SLIT3: variants seen among roughly 807,000 people sequenced by gnomAD.
SLIT3 encodes the protein slit guidance ligand 3, also known as slit homolog 3 protein.
SLIT3 carries 68 observed loss-of-function variants against 184.0 expected under a neutral mutation model. The observed-to-expected ratio is 0.37, with a 90% CI of 0.30 to 0.45. The LOEUF is 0.45. SLIT3 is among the 20% of genes least tolerant of loss of function. The pLI is 1.00. For synonymous variants in SLIT3, 831 were observed against 828.6 expected (o/e 1.00, Z -0.05); for missense variants, 1,707 against 2,026.0 (o/e 0.84, Z 3.02).
At chr5:169,002,540 G>C (rs967307557) in intron 4 of SLIT3, among the ~76,000 whole-genome samples, 2 of 151,988 alleles carry the variant, frequency 1.3e-5, no homozygotes, top group African/African-American at 2.4e-5. Flanking sequence ...GAATGTGATG[G>C]CCACAGGGAG....
chr5:168,814,642 G>A (rs79500504), intron 8 of SLIT3, among the ~76,000 whole-genome samples: 269 of 152,302 alleles, frequency 1.8e-3, no homozygotes, highest in African/African-American at 6.2e-3. Context: ...CCTCCACATT[G>A]CTTCCTCTCA....
At chr5:168,760,186 C>T (rs915738231) in intron 16 of SLIT3, among the ~76,000 whole-genome samples, 29 of 152,162 alleles carry the variant, frequency 1.9e-4, no homozygotes, top group Admixed American at 1.5e-3. Flanking sequence ...ATGGGTGTGA[C>T]GCAGGGAGCA....
intron 4 of SLIT3, among the ~76,000 whole-genome samples, chr5:168,914,548 C>T (rs963571257): frequency 1.3e-4 from 20 of 152,222 alleles, no homozygotes; most frequent in Non-Finnish European, 2.6e-4. Flanking sequence ...GAGGATGAGA[C>T]CACTGGTCCT....
chr5:168,742,564 A>G (rs1449186190), intron 20 of SLIT3, among the ~76,000 whole-genome samples: 1 of 117,812 alleles, frequency 8.5e-6, no homozygotes, highest in Non-Finnish European at 1.7e-5. Flanking sequence ...CTATGTGGGT[A>G]ACTCCCAGGG....
chr5:168,774,853 C>A (rs1755688851), intron 12 of SLIT3, among the ~76,000 whole-genome samples: 1 of 152,144 alleles, frequency 6.6e-6, no homozygotes, highest in South Asian at 2.1e-4. Flanking sequence ...TATATGTCAT[C>A]CTCCTGGAAA....
intron 5 of SLIT3, among the ~76,000 whole-genome samples, chr5:168,858,153 G>C (rs1302896557): frequency 6.6e-6 from 1 of 152,166 alleles, no homozygotes. Flanking sequence ...ACATCTACTG[G>C]AAAAATGAGA....
chr5:168,842,872 C>G (rs918932299), intron 6 of SLIT3, among the ~76,000 whole-genome samples: 5 of 152,184 alleles, frequency 3.3e-5, no homozygotes, highest in African/African-American at 9.7e-5. Context: ...TTCTCATTCT[C>G]TCTGTCAAGG....
chr5:168,855,159 CA>C (rs1356610481), intron 5 of SLIT3, among the ~76,000 whole-genome samples: 1 of 152,154 alleles, frequency 6.6e-6, no homozygotes, highest in Admixed American at 6.5e-5. Flanking sequence ...GCCCTAGGAT[CA>C]CATGAGATTC....
intron 6 of SLIT3, among the ~76,000 whole-genome samples, chr5:168,825,792 G>A (rs989829074): frequency 6.6e-6 from 1 of 152,204 alleles, no homozygotes; most frequent in African/African-American, 2.4e-5. Flanking sequence ...ACTCTGCCTT[G>A]GCAGGGAGCT....
At chr5:169,026,805 A>C (rs62379480) in intron 4 of SLIT3, among the ~76,000 whole-genome samples, 2 of 150,364 alleles carry the variant, frequency 1.3e-5, no homozygotes, top group African/African-American at 5.0e-5. Context: ...GAAAAAAAAA[A>C]CCCACCCCAA....
intron 4 of SLIT3, among the ~76,000 whole-genome samples, chr5:168,946,522 C>T (rs1226802594): frequency 6.6e-6 from 1 of 152,206 alleles, no homozygotes; most frequent in Non-Finnish European, 1.5e-5. Flanking sequence ...CCATAGTGTT[C>T]CCCAGCCTTG....
chr5:169,195,785 C>CAA (rs1365787739), intron 3 of SLIT3, among the ~76,000 whole-genome samples: 1 of 152,154 alleles, frequency 6.6e-6, no homozygotes, highest in Non-Finnish European at 1.5e-5. Context: ...CTCAGCCTCC[C>CAA]AAAGTGCTGG....
chr5:169,126,253 A>G lies in SLIT3; in HGVS notation c.413+67226T>C, dbSNP rs147819813. Among the ~76,000 whole-genome samples, 112 of 152,302 alleles carry G rather than the reference A, an allele frequency of 7.4e-4. 1 individual carries two copies. The East Asian group carries it at 0.019, about 25-fold the overall frequency. Reference sequence around the variant, plus strand: ...ATCCTATTTATGTTCTGAAGTGACAAGTGCTCTGGAAAAATTTAAAAAGCA... The same window carrying G: ...ATCCTATTTATGTTCTGAAGTGACAGGTGCTCTGGAAAAATTTAAAAAGCA... On this transcript the variant is annotated intron_variant, in intron 4 of 35. Coordinates refer to ENST00000519560, the MANE Select transcript of SLIT3 (RefSeq NM_003062.4).
chr5:168,846,249 AC>A (rs1341421096), intron 5 of SLIT3, among the ~76,000 whole-genome samples: 3 of 152,216 alleles, frequency 2.0e-5, no homozygotes, highest in African/African-American at 7.2e-5. Flanking sequence ...TAAACAGTCC[AC>A]AGGCATCTCG....
intron 6 of SLIT3, among the ~76,000 whole-genome samples, chr5:168,823,748 T>C (rs1030229648): frequency 1.3e-5 from 2 of 152,176 alleles, no homozygotes; most frequent in African/African-American, 4.8e-5. Flanking sequence ...CCTCATATTA[T>C]GGATGAGGAG....
chr5:169,254,477 T>G (rs1452225592), intron 1 of SLIT3, among the ~76,000 whole-genome samples: 2 of 150,164 alleles, frequency 1.3e-5, no homozygotes, highest in Non-Finnish European at 2.9e-5. Flanking sequence ...CTGCCATTTC[T>G]TTCTTTCTTT....
chr5:169,220,158 C>T (rs1764573891), intron 3 of SLIT3, among the ~76,000 whole-genome samples: 1 of 152,106 alleles, frequency 6.6e-6, no homozygotes, highest in Admixed American at 6.5e-5. Context: ...TCACCTCCTG[C>T]CCTGTCCTTG....
chr5:168,969,607 C>T (rs1365572225), intron 4 of SLIT3, among the ~76,000 whole-genome samples: 2 of 152,224 alleles, frequency 1.3e-5, no homozygotes, highest in African/African-American at 4.8e-5. Context: ...CCGGATGGGG[C>T]TGCTCCGCTC....
At chr5:169,068,344 T>C (rs771045681) in intron 4 of SLIT3, among the ~76,000 whole-genome samples, 17 of 152,264 alleles carry the variant, frequency 1.1e-4, no homozygotes, top group African/African-American at 2.9e-4. Context: ...TGTTGGTAAA[T>C]AGACTTTGGG....
Sources: gnomAD v4.1 joint callset for allele counts (sites outside exome capture counted in the v4.1 genomes callset) on GRCh38, gnomAD v4.1.1 for gene constraint, MANE v1.5 for transcripts, NCBI Gene and HGNC (gene_info 2026-07-23, HGNC 2026-07-21) for gene names.